AIDA: variants seen among roughly 807,000 people sequenced by gnomAD.
AIDA encodes the protein axin interactor, dorsalization associated.
Under a neutral mutation model 42.7 loss-of-function variants are expected in AIDA, and 18 were observed. The observed-to-expected ratio is 0.42, with a 90% CI of 0.29 to 0.63. AIDA has a LOEUF of 0.63. Ranked by LOEUF, AIDA falls within the 20% of genes least tolerant of loss-of-function variation. AIDA has a pLI of 0.19. For synonymous variants in AIDA, 104 were observed against 122.9 expected, an observed-to-expected ratio of 0.85 and a Z score of 1.02; for missense variants, 250 against 354.1, an observed-to-expected ratio of 0.71 and a Z score of 2.36.
chr1:222,689,719 T>C (rs1655321034), intron 4 of AIDA, among the ~76,000 whole-genome samples: 1 of 151,526 alleles, frequency 6.6e-6, no homozygotes, highest in Admixed American at 6.6e-5. Context: ...AAAGTTTATA[T>C]ACAGTAAACT....
chr1:222,682,600 A>G (rs1664673621), intron 6 of AIDA, among the ~76,000 whole-genome samples: 1 of 152,172 alleles, frequency 6.6e-6, no homozygotes, highest in Admixed American at 6.5e-5. Flanking sequence ...ATATATACCC[A>G]TGATAATATA....
intron 1 of AIDA, chr1:222,711,409 G>A (rs1656030043): frequency 6.6e-6 from 1 of 152,264 alleles, no homozygotes; most frequent in Admixed American, 6.5e-5. Context: ...TTATATACAG[G>A]AAAAGGAGGA....
intron 4 of AIDA, among the ~76,000 whole-genome samples, chr1:222,689,111 T>G (rs978089103): frequency 6.6e-6 from 1 of 151,866 alleles, no homozygotes; most frequent in Non-Finnish European, 1.5e-5. Flanking sequence ...AAAATTAAAA[T>G]AGAAAACACT....
At chr1:222,677,380 C>T (rs1003928221) in intron 6 of AIDA, among the ~76,000 whole-genome samples, 1 of 151,946 alleles carries the variant, frequency 6.6e-6, no homozygotes, top group Non-Finnish European at 1.5e-5. Flanking sequence ...GGACAGGTTT[C>T]CCCCCCTCTA....
intron 2 of AIDA, among the ~76,000 whole-genome samples, chr1:222,700,712 G>A (rs529146663): frequency 1.3e-4 from 19 of 148,706 alleles, no homozygotes; most frequent in African/African-American, 4.5e-4. Context: ...CCGAGATAGC[G>A]CCACTGCACT....
At chr1:222,702,852 G>A (rs999365508) in intron 2 of AIDA, among the ~76,000 whole-genome samples, 2 of 152,202 alleles carry the variant, frequency 1.3e-5, no homozygotes, top group African/African-American at 2.4e-5. Flanking sequence ...CCAAAGTGTG[G>A]ACTGGGTTCT....
chr1:222,676,068 G>GA (rs754461986), intron 7 of AIDA, 28 bp downstream of exon 7: 718 of 1,507,230 alleles, frequency 4.8e-4, no homozygotes, highest in South Asian at 1.4e-3. Flanking sequence ...ATTCACCTGA[G>GA]AAAAAAAAAG....
At chr1:222,681,699 C>A (rs146231791) in intron 6 of AIDA, among the ~76,000 whole-genome samples, 1 of 152,068 alleles carries the variant, frequency 6.6e-6, no homozygotes, top group Non-Finnish European at 1.5e-5. Flanking sequence ...GAAAACTGTA[C>A]AAGTGTCTAA....
intron 2 of AIDA, among the ~76,000 whole-genome samples, chr1:222,700,623 G>T (rs969438616): frequency 1.3e-5 from 2 of 151,240 alleles, no homozygotes; most frequent in Non-Finnish European, 3.0e-5. Flanking sequence ...GGGCGCGGTG[G>T]CGGGCGCCTT....
Position 222,709,693 on chromosome 1 carries a change from C to T in AIDA, c.110+2515G>A, listed in dbSNP as rs192470031. 5.9e-5 allele frequency among the ~76,000 whole-genome samples: 9 copies of T among 152,236 alleles called. No homozygotes were observed. In the East Asian group the frequency reaches 1.2e-3, roughly 20 times the overall value. ...GGAAAAGTGCCCCAGAAAAAAAATA[C>T]GAGAGCCCTAAGGCAGAACTATGTT... On this transcript the variant is annotated intron_variant, in intron 1 of 9. Coordinates refer to ENST00000340020, the MANE Select transcript of AIDA (RefSeq NM_022831.4).
chr1:222,687,036 T>G lies in AIDA; in HGVS notation c.354A>C (p.Arg118Ser), dbSNP rs750006586. ...CTTCTTCACCAGGTGCCAAAATTCT[T>G]CTACACAAAAAAAGGGCAGAAAAAA... is the stretch of plus-strand genomic sequence containing the variant. ...FPFDVQPVPL[R>S]RILAPGEEEN... is the part of the protein sequence containing the mutation. The change falls in exon 6 of 10, where the codon AGA (arginine) becomes AGC (serine). Residue 118 changes from arginine to serine, a missense_variant and splice_region_variant. This residue lies in a region of AIDA where 199 missense variants were observed against 232.6 expected (regional missense o/e 0.86). Coordinates refer to ENST00000340020, the MANE Select transcript of AIDA (RefSeq NM_022831.4). 4.3e-6 allele frequency: 7 copies of G among 1,612,834 alleles called. No homozygotes were observed. The highest frequency in any genetic ancestry group is 5.9e-6 in the Non-Finnish European group (7 of 1,179,558).
chr1:222,692,985 T>C (rs1326936165), intron 4 of AIDA, among the ~76,000 whole-genome samples: 1 of 152,174 alleles, frequency 6.6e-6, no homozygotes, highest in Non-Finnish European at 1.5e-5. Flanking sequence ...TAGTCATTAA[T>C]TTTCCTTAGA....
intron 1 of AIDA, among the ~76,000 whole-genome samples, chr1:222,706,390 A>T (rs1382366970): frequency 6.6e-6 from 1 of 152,196 alleles, no homozygotes; most frequent in Non-Finnish European, 1.5e-5. Context: ...GGGCAGTATT[A>T]CTAGTAACAG....
intron 1 of AIDA, 143 bp downstream of exon 1, chr1:222,712,065 C>T: frequency 7.7e-7 from 1 of 1,297,390 alleles, no homozygotes; most frequent in Non-Finnish European, 1.1e-6. Flanking sequence ...GGGCTGGTGG[C>T]GAGGGATCTC....
At chr1:222,698,644 T>C (rs1329181989) in intron 2 of AIDA, among the ~76,000 whole-genome samples, 5 of 151,806 alleles carry the variant, frequency 3.3e-5, no homozygotes, top group Admixed American at 2.0e-4. Flanking sequence ...AGAGACGGGG[T>C]TTCTCCGTGT....
chr1:222,689,884 T>C (rs1288717250), intron 4 of AIDA, among the ~76,000 whole-genome samples: 1 of 152,056 alleles, frequency 6.6e-6, no homozygotes, highest in African/African-American at 2.4e-5. Context: ...AGAGCAACTT[T>C]CAGTCCTGCA....
intron 1 of AIDA, among the ~76,000 whole-genome samples, chr1:222,707,220 T>C (rs1369327501): frequency 6.6e-6 from 1 of 152,004 alleles, no homozygotes; most frequent in Non-Finnish European, 1.5e-5. Context: ...TGCAGTGGCA[T>C]GATCTTGGCT....
At chr1:222,680,581 G>C (rs962647961) in intron 6 of AIDA, among the ~76,000 whole-genome samples, 1 of 152,126 alleles carries the variant, frequency 6.6e-6, no homozygotes, top group Non-Finnish European at 1.5e-5. Context: ...TTAATGATGA[G>C]ACCTACTTAT....
At chr1:222,698,910 C>T (rs1036788848) in intron 2 of AIDA, among the ~76,000 whole-genome samples, 7 of 152,092 alleles carry the variant, frequency 4.6e-5, no homozygotes, top group African/African-American at 1.7e-4. Flanking sequence ...ACTGCAAGCT[C>T]CGCCTCCCAG....
Sources: allele counts gnomAD v4.1 joint callset (sites outside exome capture counted in the v4.1 genomes callset), GRCh38; gene constraint gnomAD v4.1.1; regional missense constraint gnomAD v4.1.1; transcripts MANE v1.5; gene names NCBI Gene and HGNC (gene_info 2026-07-23, HGNC 2026-07-21).